MIB1: variants seen among roughly 807,000 people sequenced by gnomAD.
MIB1 encodes the protein E3 ubiquitin-protein ligase MIB1.
MIB1 carries 278 observed loss-of-function variants against 124.5 expected under a neutral mutation model. The observed-to-expected ratio is 2.23, with a 90% CI of 2.02 to 2.47. The LOEUF is 2.47. Ranked by LOEUF, MIB1 falls within the 30% of genes most tolerant of loss-of-function variation. The pLI, the probability that MIB1 is intolerant of heterozygous loss-of-function variation, is 0.00. For missense variants in MIB1, 957 were observed against 1,254.4 expected (o/e 0.76, Z 3.58); for synonymous variants, 446 against 429.4 (o/e 1.04, Z -0.48).
At chr18:21,862,310 A>G (rs902753603) in intron 20 of MIB1, among the ~76,000 whole-genome samples, 5 of 152,206 alleles carry the variant, frequency 3.3e-5, no homozygotes, top group African/African-American at 1.2e-4. Context: ...TTAGGCTACA[A>G]TTCCTTTTAC....
rs764448395 is a variant in MIB1, at chr18:21,791,441, G to A, written c.976G>A (p.Ala326Thr). 2 of 1,614,048 alleles carry A rather than the reference G, an allele frequency of 1.2e-6. No homozygotes were observed. Among genetic ancestry groups the A allele is most frequent in the Non-Finnish European group, 8.5e-7 (1 of 1,179,960 alleles). The change falls in exon 7 of 21, where the codon GCA (alanine) becomes ACA (threonine). Residue 326 changes from alanine to threonine, a missense_variant. Physicochemically the swap from Ala to Thr is moderately conservative, Grantham distance 58. Transcript: ENST00000261537. Reference protein sequence around the residue: ...IVRSGDAAQGAEGGTSQFQVG... With the variant: ...IVRSGDAAQGTEGGTSQFQVG... ...CCGAAGTGGAGATGCTGCTCAGGGT[G>A]CAGAAGGAGGCACCTCGCAGTTTCA...
upstream of MIB1, among the ~76,000 whole-genome samples, chr18:21,735,817 CCT>C (rs2040794434): frequency 6.6e-6 from 1 of 152,206 alleles, no homozygotes; most frequent in Admixed American, 6.5e-5. Context: ...AGCCAGACTG[CCT>C]CTCTAGATTC....
chr18:21,836,304 C>T (rs1473645895), intron 12 of MIB1, among the ~76,000 whole-genome samples: 5 of 146,192 alleles, frequency 3.4e-5, no homozygotes, highest in African/African-American at 1.0e-4. Context: ...GATGGAGTCT[C>T]GCTCAGTCGC....
intron 14 of MIB1, 124 bp downstream of exon 14, chr18:21,843,341 A>G (rs1650287473): frequency 6.9e-6 from 4 of 575,736 alleles, no homozygotes; most frequent in African/African-American, 3.9e-5. Flanking sequence ...GATATAAGTA[A>G]ATCTAAATAT....
At chr18:21,834,182 G>C (rs1286587274) in intron 12 of MIB1, among the ~76,000 whole-genome samples, 3 of 152,210 alleles carry the variant, frequency 2.0e-5, no homozygotes, top group Non-Finnish European at 4.4e-5. Context: ...GAGACAGGCT[G>C]CTCTGAACTA....
chr18:21,766,816 A>G (rs1346738033), intron 2 of MIB1, among the ~76,000 whole-genome samples: 2 of 152,106 alleles, frequency 1.3e-5, no homozygotes, highest in East Asian at 3.8e-4. Context: ...AGGTGGGAGG[A>G]TTACTTGAGG....
At chr18:21,837,494 C>CTG (rs2042044659) in intron 12 of MIB1, among the ~76,000 whole-genome samples, 2 of 152,138 alleles carry the variant, frequency 1.3e-5, no homozygotes, top group African/African-American at 4.8e-5. Flanking sequence ...GTCGACAGAG[C>CTG]GAGACTCCGT....
At chr18:21,832,481 AAG>A (rs2041993026) in intron 12 of MIB1, among the ~76,000 whole-genome samples, 2 of 152,098 alleles carry the variant, frequency 1.3e-5, no homozygotes, top group Admixed American at 1.3e-4. Context: ...TTTTTAATCA[AAG>A]AGAAAAAATA....
chr18:21,862,065 C>T (rs1202353956), intron 20 of MIB1, among the ~76,000 whole-genome samples: 1 of 152,128 alleles, frequency 6.6e-6, no homozygotes, highest in African/African-American at 2.4e-5. Context: ...CCACACCTGG[C>T]TAATTTATTA....
At position 21,866,738 on chromosome 18, in the gene MIB1, T is replaced by A. The variant is rs1348136137; in HGVS notation, c.*2072T>A. ...CTTCCAGACTAGTTTAATTATTTCC[T>A]TTATAAGAATATGACATAAATTTTT... On this transcript the variant is annotated 3_prime_UTR_variant, in exon 21 of 21. Transcript: ENST00000261537. The A allele has an allele frequency of 6.6e-6, 1 of 152,260 alleles. No individual in the cohort carries two copies. Among genetic ancestry groups the A allele is most frequent in the Non-Finnish European group, 1.5e-5 (1 of 68,046 alleles). 9.4% of individuals were successfully genotyped at this position (152,260 alleles called of 1,614,324 possible).
At chr18:21,812,734 T>A (rs1269583143) in intron 10 of MIB1, among the ~76,000 whole-genome samples, 1 of 152,128 alleles carries the variant, frequency 6.6e-6, no homozygotes, top group Non-Finnish European at 1.5e-5. Context: ...AGAAACACGA[T>A]CCGTTTTAGA....
At chr18:21,768,849 T>C in intron 3 of MIB1, 97 bp downstream of exon 3, 2 of 1,033,242 alleles carry the variant, frequency 1.9e-6, no homozygotes, top group Non-Finnish European at 2.6e-6. Flanking sequence ...TCCATTGTTT[T>C]CCATGCCAGT....
chr18:21,856,294 C>T (rs1036653965), intron 18 of MIB1, among the ~76,000 whole-genome samples: 2 of 149,918 alleles, frequency 1.3e-5, no homozygotes, highest in African/African-American at 2.5e-5. Flanking sequence ...ATCATAACAA[C>T]ATACAGTTGT....
In MIB1 at chr18:21,858,546, CAA is replaced by C; in HGVS notation, c.2781_2782del (p.Ser928TrpfsTer12). 7.1e-7 allele frequency: 1 copy of C among 1,416,500 alleles called. No homozygotes were observed. The allele number at this position is 1,416,500 out of a possible 1,614,324, so 87.7% of individuals were successfully genotyped here. A position where few individuals can be genotyped will look rare whatever the true frequency, so the allele number is the denominator to read the frequency against. ...AAATCTTTTTAAATCTATATTATAG[CAA>C]GTGGGAATATTCCAGTATTACAAAA... is the stretch of plus-strand genomic sequence containing the variant. On this transcript the variant is annotated frameshift_variant and splice_region_variant, in exon 20 of 21. Coordinates refer to ENST00000261537, the MANE Select transcript of MIB1 (RefSeq NM_020774.4). LOFTEE classifies it high-confidence loss of function.
intron 19 of MIB1, 52 bp from the exon 20 acceptor site, chr18:21,858,494 T>C: frequency 1.2e-6 from 1 of 805,908 alleles, no homozygotes; most frequent in Non-Finnish European, 2.1e-6. Flanking sequence ...TTTATAAATG[T>C]CATTCTGTCA....
chr18:21,720,649 C>T (rs995076638), intron 1 of MIB1, among the ~76,000 whole-genome samples: 1 of 151,884 alleles, frequency 6.6e-6, no homozygotes, highest in Non-Finnish European at 1.5e-5. Flanking sequence ...GGATATTTGG[C>T]GAAGTTAAGG....
At chr18:21,837,687 G>A (rs1455692815) in intron 12 of MIB1, among the ~76,000 whole-genome samples, 1 of 151,476 alleles carries the variant, frequency 6.6e-6, no homozygotes, top group Non-Finnish European at 1.5e-5. Context: ...TTTTTGCTTT[G>A]AAAATACTTT....
At chr18:21,755,668 A>G (rs1452181989) in intron 1 of MIB1, among the ~76,000 whole-genome samples, 4 of 152,242 alleles carry the variant, frequency 2.6e-5, no homozygotes, top group African/African-American at 4.8e-5. Flanking sequence ...ATAAGGTAGT[A>G]TTTAAATTAG....
chr18:21,812,453 TGTG>T (rs2041785340), intron 10 of MIB1: 1 of 152,178 alleles, frequency 6.6e-6, no homozygotes, highest in Non-Finnish European at 1.5e-5. Context: ...GAGGTTGAGT[TGTG>T]GTAATCATCC....
Sources: gnomAD v4.1 joint callset for allele counts (sites outside exome capture counted in the v4.1 genomes callset) on GRCh38, gnomAD v4.1.1 for gene constraint, MANE v1.5 for transcripts, NCBI Gene and HGNC (gene_info 2026-07-23, HGNC 2026-07-21) for gene names.